PLCE1: variants seen among roughly 807,000 people sequenced by gnomAD.
PLCE1 encodes phospholipase C epsilon 1, also known as 1-phosphatidylinositol 4,5-bisphosphate phosphodiesterase epsilon-1.
A neutral mutation model predicts 242.8 loss-of-function variants in PLCE1; 119 were observed. The ratio of observed to expected loss-of-function variants is 0.49; its 90% confidence interval spans 0.42 to 0.57. PLCE1 has a LOEUF of 0.57. PLCE1 is among the 20% of genes least tolerant of loss of function. PLCE1 has a pLI of 0.00. For missense variants in PLCE1, 2,441 were observed against 2,788.8 expected (o/e 0.88, Z 2.81); for synonymous variants, 945 against 1,017.4 (o/e 0.93, Z 1.35).
At chr10:94,275,860 A>G (rs2051935455) in intron 19 of PLCE1, among the ~76,000 whole-genome samples, 1 of 152,088 alleles carries the variant, frequency 6.6e-6, no homozygotes. Flanking sequence ...TCTTTAGCAC[A>G]CACTGAGCTC....
intron 5 of PLCE1, among the ~76,000 whole-genome samples, chr10:94,230,789 T>G (rs1429892515): frequency 6.6e-6 from 1 of 151,966 alleles, no homozygotes; most frequent in Non-Finnish European, 1.5e-5. Flanking sequence ...AAAAAATTTT[T>G]TTAGAGATGG....
chr10:94,267,947 G>T (rs1211727009), intron 16 of PLCE1, among the ~76,000 whole-genome samples: 1 of 152,214 alleles, frequency 6.6e-6, no homozygotes, highest in Admixed American at 6.5e-5. Context: ...CTAAGCCCCA[G>T]TAATGGATTG....
intron 4 of PLCE1, among the ~76,000 whole-genome samples, chr10:94,205,371 A>C (rs922805643): frequency 1.3e-5 from 2 of 152,212 alleles, no homozygotes; most frequent in Non-Finnish European, 1.5e-5. Flanking sequence ...AGCACGTATT[A>C]CTTTCAATAT....
rs555726388 is a variant in PLCE1 at position 94,328,328 on chromosome 10, T to C, written c.*385T>C. 1.2e-4 allele frequency: 22 copies of C among 182,746 alleles called. No individual in the cohort carries two copies. The highest frequency in any genetic ancestry group is 3.2e-4 in the African/African-American group (14 of 43,100). 11.3% of individuals were successfully genotyped at this position (182,746 alleles called of 1,614,324 possible). A position where few individuals can be genotyped will look rare whatever the true frequency, so the allele number is the denominator to read the frequency against. On this transcript the variant is annotated 3_prime_UTR_variant, in exon 33 of 33. Coordinates refer to ENST00000371380, the MANE Select transcript of PLCE1 (RefSeq NM_016341.4). ...TGCCATTGTAGTGCAAAAGCAGCCA[T>C]AGACAACACATACATGAACGAACGT...
intron 32 of PLCE1, 62 bp downstream of exon 32, chr10:94,325,166 G>A: frequency 5.2e-6 from 6 of 1,155,160 alleles, no homozygotes; most frequent in African/African-American, 1.5e-5. Context: ...TGTAAGGAAG[G>A]CATAATTAGT....
chr10:94,045,299 T>A (rs560671471), intron 2 of PLCE1, among the ~76,000 whole-genome samples: 40 of 152,060 alleles, frequency 2.6e-4, no homozygotes, highest in African/African-American at 4.8e-4. Flanking sequence ...TAATCAAAAA[T>A]ATATATATAT....
intron 2 of PLCE1, among the ~76,000 whole-genome samples, chr10:94,081,774 G>A (rs999352627): frequency 6.6e-6 from 1 of 152,218 alleles, no homozygotes; most frequent in African/African-American, 2.4e-5. Context: ...ATACAGCTAG[G>A]AGGTAATTAA....
intron 1 of PLCE1, among the ~76,000 whole-genome samples, chr10:93,999,507 G>A (rs1028518089): frequency 3.3e-5 from 5 of 152,206 alleles, no homozygotes; most frequent in Non-Finnish European, 5.9e-5. Flanking sequence ...GTGACTGTAC[G>A]TGGGGAAAAT....
At chr10:94,307,332 C>T (rs2053237953) in intron 26 of PLCE1, among the ~76,000 whole-genome samples, 1 of 152,138 alleles carries the variant, frequency 6.6e-6, no homozygotes, top group African/African-American at 2.4e-5. Flanking sequence ...TCCAGGTGTG[C>T]TGGCTCTGAT....
At chr10:94,065,582 C>T (rs1332035010) in intron 2 of PLCE1, among the ~76,000 whole-genome samples, 1 of 152,104 alleles carries the variant, frequency 6.6e-6, no homozygotes, top group Non-Finnish European at 1.5e-5. Flanking sequence ...ATTTGCCTAC[C>T]CCCATAAAAT....
intron 4 of PLCE1, among the ~76,000 whole-genome samples, chr10:94,207,814 C>T (rs1260829239): frequency 6.6e-6 from 1 of 151,818 alleles, no homozygotes; most frequent in Non-Finnish European, 1.5e-5. Flanking sequence ...GGACCAGGTG[C>T]CACTTTGGGA....
At chr10:94,230,608 A>G (rs2137236417) in intron 5 of PLCE1, among the ~76,000 whole-genome samples, 1 of 142,196 alleles carries the variant, frequency 7.0e-6, no homozygotes, top group Middle Eastern at 3.8e-3. Flanking sequence ...TACAGGCATG[A>G]GGTAAAAAAC....
chr10:94,123,505 T>A (rs1414352629), intron 2 of PLCE1, among the ~76,000 whole-genome samples: 1 of 152,216 alleles, frequency 6.6e-6, no homozygotes, highest in Admixed American at 6.5e-5. Context: ...TTGAATGGAA[T>A]GTGGAATCAT....
At chr10:94,112,579 C>G (rs1006589707) in intron 2 of PLCE1, among the ~76,000 whole-genome samples, 1 of 152,114 alleles carries the variant, frequency 6.6e-6, no homozygotes, top group Non-Finnish European at 1.5e-5. Flanking sequence ...CCCAACGAAC[C>G]CTGGCTGCTC....
chr10:94,286,435 G>T (rs1274352494), intron 22 of PLCE1, among the ~76,000 whole-genome samples: 1 of 152,068 alleles, frequency 6.6e-6, no homozygotes, highest in Non-Finnish European at 1.5e-5. Context: ...TTCAAGCCCA[G>T]CCTGGGCAAG....
intron 1 of PLCE1, among the ~76,000 whole-genome samples, chr10:94,022,477 A>G (rs1255425848): frequency 6.6e-6 from 1 of 151,920 alleles, no homozygotes; most frequent in Non-Finnish European, 1.5e-5. Flanking sequence ...GCATATATAT[A>G]TAAATATATA....
chr10:94,088,911 A>C (rs991932558), intron 2 of PLCE1: 1 of 477,306 alleles, frequency 2.1e-6, no homozygotes, highest in African/African-American at 2.0e-5. Context: ...ATTTTTTTGT[A>C]ATGTAGAAAA....
chr10:94,030,557 A>G (rs1021904659), intron 1 of PLCE1, among the ~76,000 whole-genome samples, 126 bp from the exon 2 acceptor site: 32 of 152,216 alleles, frequency 2.1e-4, no homozygotes, highest in African/African-American at 7.7e-4. Context: ...AAAAACATAA[A>G]AACCAACTTC....
Position 94,325,286 on chromosome 10 carries a change from T to C in PLCE1, c.*24+182T>C. ...AGATATGTGTAACATGATATGCTAT[T>C]GAACACCGCCTATAAAGAAAAAGGG... On this transcript the variant is annotated intron_variant, in intron 32 of 32. Coordinates refer to ENST00000371380, the MANE Select transcript of PLCE1 (RefSeq NM_016341.4). 3 of 575,304 alleles carry C rather than the reference T, an allele frequency of 5.2e-6. No individual in the cohort carries two copies. The South Asian group carries it at 5.9e-5, about 11-fold the overall frequency. 35.6% of individuals were successfully genotyped at this position (575,304 alleles called of 1,614,324 possible).
Sources: gnomAD v4.1 joint callset for allele counts (sites outside exome capture counted in the v4.1 genomes callset) on GRCh38, gnomAD v4.1.1 for gene constraint, MANE v1.5 for transcripts, NCBI Gene and HGNC (gene_info 2026-07-23, HGNC 2026-07-21) for gene names.